SOCS6: variants seen among roughly 807,000 people sequenced by gnomAD.
SOCS6 encodes the protein suppressor of cytokine signaling 6, also known as STAT induced STAT inhibitor-4.
Under a neutral mutation model 27.7 loss-of-function variants are expected in SOCS6, and 5 were observed. The observed-to-expected ratio is 0.18, with a 90% CI of 0.09 to 0.38. The LOEUF (loss-of-function observed/expected upper bound fraction) is 0.38. Ranked by LOEUF, SOCS6 falls within the 10% of genes least tolerant of loss-of-function variation. The pLI is 1.00. For synonymous variants in SOCS6, 271 were observed against 260.0 expected (o/e 1.04, Z -0.41); for missense variants, 595 against 688.1 (o/e 0.86, Z 1.51).
chr18:70,318,795 G>C (rs1026551532), intron 1 of SOCS6, among the ~76,000 whole-genome samples: 1 of 152,102 alleles, frequency 6.6e-6, no homozygotes, highest in African/African-American at 2.4e-5. Context: ...AATTAGCCAG[G>C]TGTGGTGGTG....
intron 1 of SOCS6, among the ~76,000 whole-genome samples, chr18:70,289,436 CCCTCGGCCTCTTCGGCCGCGGCGCGCCGG>C (rs2062288263): frequency 6.8e-6 from 1 of 147,302 alleles, no homozygotes; most frequent in Admixed American, 6.7e-5. Flanking sequence ...TCTTCTCGAC[CCCTCGGCCTCTTCGGCCGCGGCGCGCCGG>C]CCTGGGCCGC....
At chr18:70,299,387 A>AG (rs2062338227) in intron 1 of SOCS6, among the ~76,000 whole-genome samples, 1 of 152,192 alleles carries the variant, frequency 6.6e-6, no homozygotes, top group South Asian at 2.1e-4. Context: ...GCCCAGTAGA[A>AG]GAGGTGCACG....
At chr18:70,291,739 C>T (rs903845804) in intron 1 of SOCS6, among the ~76,000 whole-genome samples, 3 of 152,176 alleles carry the variant, frequency 2.0e-5, no homozygotes, top group Non-Finnish European at 2.9e-5. Context: ...AATATGCACT[C>T]GTGACCTCTT....
intron 1 of SOCS6, among the ~76,000 whole-genome samples, chr18:70,312,822 G>A (rs904269238): frequency 2.1e-5 from 3 of 143,082 alleles, no homozygotes; most frequent in Non-Finnish European, 4.5e-5. Context: ...TGCCCAGGCT[G>A]GAGTGCAGTG....
intron 1 of SOCS6, among the ~76,000 whole-genome samples, chr18:70,291,292 G>A (rs575094572): frequency 2.6e-5 from 4 of 152,052 alleles, no homozygotes; most frequent in African/African-American, 9.6e-5. Flanking sequence ...TGGAGAGGTG[G>A]GGTCTTGCTG....
intron 1 of SOCS6, among the ~76,000 whole-genome samples, chr18:70,300,723 C>T (rs1433891394): frequency 2.0e-5 from 3 of 152,094 alleles, no homozygotes; most frequent in African/African-American, 7.2e-5. Flanking sequence ...TAAGCTAGTG[C>T]TACCCCATAC....
chr18:70,292,568 G>A (rs971580306), intron 1 of SOCS6, among the ~76,000 whole-genome samples: 1 of 152,118 alleles, frequency 6.6e-6, no homozygotes, highest in African/African-American at 2.4e-5. Context: ...AGTTGGTCTT[G>A]AAATCACGGG....
intron 1 of SOCS6, among the ~76,000 whole-genome samples, chr18:70,299,928 C>G (rs1021697227): frequency 1.3e-5 from 2 of 152,064 alleles, no homozygotes; most frequent in South Asian, 2.1e-4. Context: ...TATGCAAATA[C>G]TATGACGTTT....
intron 1 of SOCS6, among the ~76,000 whole-genome samples, chr18:70,316,146 G>T (rs1370070793): frequency 1.3e-5 from 2 of 152,068 alleles, no homozygotes; most frequent in African/African-American, 4.8e-5. Flanking sequence ...CACCTCGCCC[G>T]GCTGATATGT....
chr18:70,325,281 C>G lies in SOCS6; in HGVS notation c.613C>G (p.Leu205Val), dbSNP rs1268333016. ...ASHNGDLHLH[L>V]DEHVPVVIGL... ...TCATAATGGAGACCTGCATCTTCAC[C>G]TGGATGAACATGTGCCTGTCGTTAT... Residue 205 changes from leucine to valine, a missense_variant, in exon 2 of 2, where the codon CTG becomes GTG. By Grantham distance (32) the Leu-to-Val change is conservative. This residue lies in a region of SOCS6 where 467 missense variants were observed against 481.1 expected (regional missense o/e 0.97). Transcript: ENST00000397942. This position sits in a 1 kb window ranked among gnomAD's most constrained non-coding sequence, Gnocchi z 6.3. The G allele has an allele frequency of 1.2e-6, 2 of 1,614,248 alleles. No homozygotes were observed. Among genetic ancestry groups the G allele is most frequent in the South Asian group, 1.1e-5 (1 of 91,086 alleles).
chr18:70,298,904 C>G (rs769575202), intron 1 of SOCS6, among the ~76,000 whole-genome samples: 1 of 152,146 alleles, frequency 6.6e-6, no homozygotes, highest in Non-Finnish European at 1.5e-5. Flanking sequence ...GTGGGCGGAT[C>G]ACTTGAGGTC....
rs572350728 is a variant in SOCS6, at chr18:70,318,959, A to T, written c.-126-5584A>T. 6.6e-5 allele frequency among the ~76,000 whole-genome samples: 10 copies of T among 152,304 alleles called. No individual in the cohort carries two copies. The East Asian group carries it at 1.9e-3, about 29-fold the overall frequency. On this transcript the variant is annotated intron_variant, in intron 1 of 1. Transcript: ENST00000397942. ...CTCACAAAAAAAAGAAAAGAAAAGA[A>T]AAAAGAGAAGAGAAAAGAAGAAAGA... is the stretch of plus-strand genomic sequence containing the variant.
Position 70,324,570 on chromosome 18 carries a change from A to G in SOCS6, c.-99A>G, listed in dbSNP as rs1016461867. On this transcript the variant is annotated 5_prime_UTR_variant, in exon 2 of 2. Coordinates refer to ENST00000397942, the MANE Select transcript of SOCS6 (RefSeq NM_004232.4). Reference sequence around the variant, plus strand: ...AATGGCTCCAAAGGTTAAATGAAGCAGGAAAAATACATAGATGCAGCCTTG... The same window carrying G: ...AATGGCTCCAAAGGTTAAATGAAGCGGGAAAAATACATAGATGCAGCCTTG... The G allele has an allele frequency of 2.6e-6, 2 of 762,486 alleles. No individual in the cohort carries two copies. The highest frequency in any genetic ancestry group is 5.3e-5 in the Admixed American group (2 of 37,682). The allele number at this position is 762,486 out of a possible 1,614,324, so 47.2% of individuals were successfully genotyped here. A position where few individuals can be genotyped will look rare whatever the true frequency, so the allele number is the denominator to read the frequency against.
intron 1 of SOCS6, among the ~76,000 whole-genome samples, chr18:70,317,251 G>A (rs1464158118): frequency 6.6e-6 from 1 of 152,010 alleles, no homozygotes; most frequent in African/African-American, 2.4e-5. Flanking sequence ...TCATTCTTAT[G>A]CCTTTGCATC....
At chr18:70,309,952 C>T (rs1600158262) in intron 1 of SOCS6, among the ~76,000 whole-genome samples, 2 of 152,326 alleles carry the variant, frequency 1.3e-5, no homozygotes, top group African/African-American at 2.4e-5. Context: ...TCCCAGAATG[C>T]TGGGTTTACA....
In SOCS6 at chr18:70,324,579, A is replaced by G; in HGVS notation, c.-90A>G. On this transcript the variant is annotated 5_prime_UTR_variant, in exon 2 of 2. The change creates a new upstream start codon in the 5' untranslated region. Transcript: ENST00000397942. ...AAAGGTTAAATGAAGCAGGAAAAAT[A>G]CATAGATGCAGCCTTGCAGCCTCTC... 1 of 845,448 alleles carries G rather than the reference A, an allele frequency of 1.2e-6. No individual in the cohort carries two copies. The highest frequency in any genetic ancestry group is 1.8e-6 in the Non-Finnish European group (1 of 541,444). 52.4% of individuals were successfully genotyped at this position (845,448 alleles called of 1,614,324 possible).
At chr18:70,324,302 A>AAATAATAATAAT (rs560395562) in intron 1 of SOCS6, among the ~76,000 whole-genome samples, 57 of 150,290 alleles carry the variant, frequency 3.8e-4, no homozygotes, top group African/African-American at 1.3e-3. Flanking sequence ...ACTCATCTCA[A>AAATAATAATAAT]AATAATAATA....
chr18:70,317,419 GGTGT>G (rs139320786), intron 1 of SOCS6, among the ~76,000 whole-genome samples: 36 of 148,160 alleles, frequency 2.4e-4, no homozygotes, highest in African/African-American at 7.9e-4. Context: ...AGTATTCCAT[GGTGT>G]GTGTGTGTGT....
At chr18:70,308,683 T>C (rs2062378719) in intron 1 of SOCS6, among the ~76,000 whole-genome samples, 1 of 152,228 alleles carries the variant, frequency 6.6e-6, no homozygotes, top group Non-Finnish European at 1.5e-5. Context: ...GGTATTATTG[T>C]TGAATTGTCT....
Sources: allele counts gnomAD v4.1 joint callset (sites outside exome capture counted in the v4.1 genomes callset), GRCh38; gene constraint gnomAD v4.1.1; regional missense constraint gnomAD v4.1.1; non-coding constraint Gnocchi (gnomAD v3.1); transcripts MANE v1.5; gene names NCBI Gene and HGNC (gene_info 2026-07-23, HGNC 2026-07-21).